The following CLDN14 variants were observed in gnomAD, a reference collection of about 807,000 sequenced individuals.
CLDN14 encodes claudin 14, also known as claudin-14.
A neutral mutation model predicts 2.1 loss-of-function variants in CLDN14; 2 were observed. The ratio of observed to expected loss-of-function variants is 0.96; its 90% CI spans 0.39 to 3.01. The LOEUF (loss-of-function observed/expected upper bound fraction) is 3.01. Among genes scored for constraint, CLDN14 ranks in the 30% most tolerant of loss-of-function variants. The pLI is 0.09. For synonymous variants in CLDN14, 136 were observed against 154.4 expected, an observed-to-expected ratio of 0.88 and a Z score of 0.88; for missense variants, 298 against 328.0, an observed-to-expected ratio of 0.91 and a Z score of 0.71.
At chr21:36,562,366 AC>A (rs2087642157) in intron 1 of CLDN14, among the ~76,000 whole-genome samples, 2 of 152,192 alleles carry the variant, frequency 1.3e-5, no homozygotes, top group South Asian at 4.1e-4. Context: ...AGAGATGGGC[AC>A]CAAGAGGAAA....
chr21:36,472,285 G>C (rs767625169), intron 1 of CLDN14, among the ~76,000 whole-genome samples: 2 of 152,176 alleles, frequency 1.3e-5, no homozygotes, highest in African/African-American at 2.4e-5. Context: ...CTATATTCAG[G>C]TGAGGCTAGC....
At chr21:36,501,116 G>C (rs1183556066) in intron 2 of CLDN14, among the ~76,000 whole-genome samples, 1 of 152,124 alleles carries the variant, frequency 6.6e-6, no homozygotes, top group Non-Finnish European at 1.5e-5. Context: ...ACCCTTCAAT[G>C]TCACCCTCAT....
In CLDN14 at chr21:36,500,065, G is replaced by A. The variant is rs1037359773; in HGVS notation, c.-82+10298C>T. On this transcript the variant is annotated intron_variant, in intron 2 of 2. Coordinates refer to the CLDN14 transcript ENST00000342108. ...TTTGGAAACACCCTGGGGCAACTCAGGCAAGGTTTTCAATGTGGTGTTTGA... is the reference window on the plus strand; with the variant it reads ...TTTGGAAACACCCTGGGGCAACTCAAGCAAGGTTTTCAATGTGGTGTTTGA... 6.6e-5 allele frequency among the ~76,000 whole-genome samples: 10 copies of A among 152,216 alleles called. 1 individual carries two copies. The highest frequency in any genetic ancestry group is 2.4e-5 in the African/African-American group (1 of 41,452).
chr21:36,573,174 G>A (rs183788451), intron 1 of CLDN14, among the ~76,000 whole-genome samples: 98 of 152,090 alleles, frequency 6.4e-4, no homozygotes, highest in African/African-American at 2.3e-3. Flanking sequence ...GGTGGTGGGC[G>A]CCTGTAGTCC....
chr21:36,508,435 C>A (rs774808474), intron 2 of CLDN14, among the ~76,000 whole-genome samples: 29 of 152,168 alleles, frequency 1.9e-4, no homozygotes, highest in Non-Finnish European at 3.7e-4. Flanking sequence ...CACTGTAAGG[C>A]TGGGAGAGAT....
intron 1 of CLDN14, among the ~76,000 whole-genome samples, chr21:36,520,492 T>A (rs1439525070): frequency 1.3e-5 from 2 of 152,220 alleles, no homozygotes; most frequent in Non-Finnish European, 2.9e-5. Flanking sequence ...GATGGTTTTA[T>A]AAGGGGGAAC....
At chr21:36,553,611 C>T (rs2087577821) in intron 1 of CLDN14, among the ~76,000 whole-genome samples, 1 of 151,864 alleles carries the variant, frequency 6.6e-6, no homozygotes, top group Non-Finnish European at 1.5e-5. Flanking sequence ...GGTGGGATGC[C>T]CCACACTTCG....
chr21:36,502,117 C>T (rs936271187), intron 2 of CLDN14, among the ~76,000 whole-genome samples: 2 of 152,104 alleles, frequency 1.3e-5, no homozygotes. Flanking sequence ...TCACAGGGAA[C>T]CATCATGAGG....
intron 2 of CLDN14, among the ~76,000 whole-genome samples, chr21:36,485,453 C>T (rs904857942): frequency 1.3e-5 from 2 of 151,684 alleles, no homozygotes; most frequent in African/African-American, 4.8e-5. Flanking sequence ...AAGTGATCCA[C>T]CCGCCTCAGC....
In CLDN14 at chr21:36,461,649, A is replaced by G; in HGVS notation, c.47T>C (p.Leu16Pro). The part of the protein sequence containing the change: ...VQLLGFLLSF[L>P]GMVGTLITTI... ...GGTGATCAACGTGCCCACCATGCCC[A>G]GGAAGCTGAGCAGGAAGCCCAGAAG... The change falls in exon 2 of 2, where the codon CTG becomes CCG. Residue 16 changes from leucine (L) to proline (P), a missense_variant. By Grantham distance (98) the Leu-to-Pro change is moderately conservative. Transcript: ENST00000399135. 1 of 1,570,988 alleles carries G rather than the reference A, an allele frequency of 6.4e-7. No homozygotes were observed.
chr21:36,517,280 A>G (rs2087235898), intron 1 of CLDN14, among the ~76,000 whole-genome samples: 1 of 152,256 alleles, frequency 6.6e-6, no homozygotes, highest in African/African-American at 2.4e-5. Context: ...TACTCTCTCT[A>G]GCTGTTTTCA....
In CLDN14 at chr21:36,551,064, G is replaced by A. The variant is rs1405137674; in HGVS notation, c.-220+25347C>T. On this transcript the variant is annotated intron_variant, in intron 1 of 2. Coordinates refer to the CLDN14 transcript ENST00000342108. This position sits in a 1 kb window ranked among gnomAD's most constrained non-coding sequence, Gnocchi z 4.8. ...CTGTGAGCCAAGGCCAAGGAATGGTGTGGCCAGCCGGCAGCCACCAGAGTG... is the reference window on the plus strand; with the variant it reads ...CTGTGAGCCAAGGCCAAGGAATGGTATGGCCAGCCGGCAGCCACCAGAGTG... Among the ~76,000 whole-genome samples, 3 of 152,208 alleles carry A rather than the reference G, an allele frequency of 2.0e-5. No individual in the cohort carries two copies. The highest frequency in any genetic ancestry group is 4.4e-5 in the Non-Finnish European group (3 of 68,042).
chr21:36,561,834 A>C (rs2087637683), intron 1 of CLDN14, among the ~76,000 whole-genome samples: 1 of 151,378 alleles, frequency 6.6e-6, no homozygotes, highest in Non-Finnish European at 1.5e-5. Flanking sequence ...AGCAGGCACT[A>C]CTCCCTCCTT....
At chr21:36,497,393 GGA>G in intron 2 of CLDN14, among the ~76,000 whole-genome samples, 1 of 63,236 alleles carries the variant, frequency 1.6e-5, no homozygotes. Context: ...GAGGGAGGAA[GGA>G]AGGGAGGGAG....
intron 1 of CLDN14, among the ~76,000 whole-genome samples, chr21:36,520,605 G>A (rs1280048517): frequency 6.6e-6 from 1 of 152,204 alleles, no homozygotes; most frequent in Non-Finnish European, 1.5e-5. Context: ...GTGGAACTGT[G>A]AGTCCATTAA....
chr21:36,508,993 G>A (rs559610125), intron 2 of CLDN14, among the ~76,000 whole-genome samples: 5 of 152,320 alleles, frequency 3.3e-5, no homozygotes, highest in South Asian at 2.1e-4. Context: ...GCTGCTCCCC[G>A]CTGGCCCTTT....
rs1312961947 is a variant in CLDN14 at position 36,461,214 on chromosome 21, C to A, written c.482G>T (p.Gly161Val). ...GATGAAGCCCAGGTACAGGGCCTGG[C>A]CAATCTCAAACTTCATGCCGCTGGG... ...LLPSGMKFEIGQALYLGFISS... is the reference protein window; with the variant it reads ...LLPSGMKFEIVQALYLGFISS... The change falls in exon 2 of 2, where the codon GGC (glycine) becomes GTC (valine). Residue 161 changes from glycine (G) to valine (V), a missense_variant. By Grantham distance (109) the Gly-to-Val change is moderately radical (BLOSUM62 -3). Coordinates refer to ENST00000399135, the MANE Select transcript of CLDN14 (RefSeq NM_001146079.2). 6.2e-7 allele frequency: 1 copy of A among 1,613,962 alleles called. No homozygotes were observed. Among genetic ancestry groups the A allele is most frequent in the Non-Finnish European group, 8.5e-7 (1 of 1,180,000 alleles).
intron 1 of CLDN14, among the ~76,000 whole-genome samples, chr21:36,474,332 C>T (rs780545261): frequency 2.0e-5 from 3 of 152,082 alleles, no homozygotes; most frequent in Non-Finnish European, 2.9e-5. Flanking sequence ...GCATTACAGG[C>T]GTTGCAGATA....
At chr21:36,488,409 T>C (rs984458692) in intron 2 of CLDN14, among the ~76,000 whole-genome samples, 4 of 151,992 alleles carry the variant, frequency 2.6e-5, no homozygotes, top group African/African-American at 4.8e-5. Flanking sequence ...GTAGCTGGGA[T>C]TACAGGCACG....
Sources: allele counts gnomAD v4.1 joint callset (sites outside exome capture counted in the v4.1 genomes callset), GRCh38; gene constraint gnomAD v4.1.1; non-coding constraint Gnocchi (gnomAD v3.1); transcripts MANE v1.5; gene names NCBI Gene and HGNC (gene_info 2026-07-23, HGNC 2026-07-21).